GPR158: variants seen among roughly 807,000 people sequenced by gnomAD.
GPR158 encodes the protein G protein-coupled receptor 158.
Under a neutral mutation model 78.2 loss-of-function variants are expected in GPR158, and 30 were observed. That is an observed-to-expected ratio of 0.38 (90% confidence interval 0.29 to 0.52). The LOEUF is 0.52. Among genes scored for constraint, GPR158 ranks in the 20% least tolerant of loss-of-function variants. The pLI is 0.83. For synonymous variants in GPR158, 581 were observed against 591.1 expected, an observed-to-expected ratio of 0.98 and a Z score of 0.25; for missense variants, 1,463 against 1,523.5, an observed-to-expected ratio of 0.96 and a Z score of 0.66.
chr10:25,192,792 A>AT (rs1298691993), intron 1 of GPR158, among the ~76,000 whole-genome samples: 4 of 151,278 alleles, frequency 2.6e-5, no homozygotes, highest in African/African-American at 9.8e-5. Flanking sequence ...ATGATAAAAA[A>AT]AAATAAAAAT....
At chr10:25,372,602 G>A (rs182834640) in intron 2 of GPR158, among the ~76,000 whole-genome samples, 8,049 of 145,066 alleles carry the variant, frequency 0.055, 255 homozygotes, top group East Asian at 0.16. Flanking sequence ...GTAAACTATC[G>A]CAAGAACAAA....
intron 5 of GPR158, among the ~76,000 whole-genome samples, chr10:25,473,551 T>G (rs1173735391): frequency 1.3e-5 from 2 of 152,156 alleles, no homozygotes; most frequent in Admixed American, 6.6e-5. Context: ...TCCTTGTACC[T>G]CTGGTAGAAT....
At position 25,175,522 on chromosome 10, in the gene GPR158, C is replaced by T. The variant is rs1321118999; in HGVS notation, c.102C>T (p.Ser34=). ...GCGACCCCCAAGGACGGCCGGATTCCCCTCGAGAGAGGACCCCGAAGGGGA... is the reference window on the plus strand; with the variant it reads ...GCGACCCCCAAGGACGGCCGGATTCTCCTCGAGAGAGGACCCCGAAGGGGA... ...ASRDPQGRPD[S]PRERTPKGKP... Residue 34 remains serine (S), a synonymous_variant, in exon 1 of 11, where the codon TCC becomes TCT. Coordinates refer to ENST00000376351, the MANE Select transcript of GPR158 (RefSeq NM_020752.3). This position sits in a 1 kb window ranked among gnomAD's most constrained non-coding sequence, Gnocchi z 6.4. 1.2e-6 allele frequency: 2 copies of T among 1,612,380 alleles called. No individual in the cohort carries two copies. Among genetic ancestry groups the T allele is most frequent in the Non-Finnish European group, 1.7e-6 (2 of 1,179,912 alleles).
At position 25,598,742 on chromosome 10, in the gene GPR158, AC is replaced by A; in HGVS notation, c.3120del (p.Thr1041LeufsTer4). 6.2e-7 allele frequency: 1 copy of A among 1,613,902 alleles called. No individual in the cohort carries two copies. Among genetic ancestry groups the A allele is most frequent in the South Asian group, 1.1e-5 (1 of 91,050 alleles). ...VSIVASEMEK[N>X]PTFSLKEKSH... Reference sequence around the variant, plus strand: ...ATTGTGGCTTCTGAAATGGAGAAAAACCCCACTTTTTCCTTAAAGGAGAAAT... The same window carrying A: ...ATTGTGGCTTCTGAAATGGAGAAAAACCCACTTTTTCCTTAAAGGAGAAAT... On this transcript the variant is annotated frameshift_variant, in exon 11 of 11. Coordinates refer to ENST00000376351, the MANE Select transcript of GPR158 (RefSeq NM_020752.3). LOFTEE classifies it low-confidence loss of function (END_TRUNC).
intron 5 of GPR158, among the ~76,000 whole-genome samples, chr10:25,473,643 G>C (rs942440946): frequency 6.6e-6 from 1 of 152,098 alleles, no homozygotes; most frequent in Non-Finnish European, 1.5e-5. Context: ...CCTGTTATTA[G>C]TCTATTCTGG....
At chr10:25,224,269 T>C (rs1304230025) in intron 2 of GPR158, among the ~76,000 whole-genome samples, 6 of 151,952 alleles carry the variant, frequency 3.9e-5, no homozygotes, top group Non-Finnish European at 5.9e-5. Context: ...GTTTGAAGTG[T>C]AAAAAAACCA....
At chr10:25,348,954 C>G (rs1370071972) in intron 2 of GPR158, among the ~76,000 whole-genome samples, 1 of 152,004 alleles carries the variant, frequency 6.6e-6, no homozygotes, top group Non-Finnish European at 1.5e-5. Flanking sequence ...TATTATTTCA[C>G]CATTCATAAC....
At chr10:25,184,410 T>A (rs1287996549) in intron 1 of GPR158, among the ~76,000 whole-genome samples, 1 of 152,188 alleles carries the variant, frequency 6.6e-6, no homozygotes, top group Non-Finnish European at 1.5e-5. Context: ...CTTCCCAAAG[T>A]GCTGGGATTA....
At chr10:25,551,681 A>T (rs551537154) in intron 6 of GPR158, among the ~76,000 whole-genome samples, 2 of 152,264 alleles carry the variant, frequency 1.3e-5, no homozygotes, top group African/African-American at 2.4e-5. Context: ...CAACAAAATG[A>T]ACTACCTATC....
chr10:25,403,752 T>G (rs1834475317), intron 3 of GPR158, among the ~76,000 whole-genome samples: 1 of 152,064 alleles, frequency 6.6e-6, no homozygotes, highest in African/African-American at 2.4e-5. Flanking sequence ...AATACTACTT[T>G]AATTAAATTT....
chr10:25,473,446 G>C (rs900877615), intron 5 of GPR158, among the ~76,000 whole-genome samples: 2 of 152,110 alleles, frequency 1.3e-5, no homozygotes, highest in Non-Finnish European at 1.5e-5. Context: ...CCCAGCTTTG[G>C]TATCAGGATG....
At chr10:25,442,216 A>AT (rs900924606) in intron 4 of GPR158, among the ~76,000 whole-genome samples, 6 of 151,296 alleles carry the variant, frequency 4.0e-5, no homozygotes, top group East Asian at 1.9e-4. Context: ...AGGTTTTTTT[A>AT]TTTTTTTTCA....
chr10:25,456,017 G>A (rs1047473455), intron 4 of GPR158, among the ~76,000 whole-genome samples: 1 of 152,140 alleles, frequency 6.6e-6, no homozygotes, highest in Non-Finnish European at 1.5e-5. Flanking sequence ...TACCATTTTA[G>A]AGACTGAATT....
intron 2 of GPR158, among the ~76,000 whole-genome samples, chr10:25,230,102 A>G (rs1853428864): frequency 6.6e-6 from 1 of 152,234 alleles, no homozygotes; most frequent in African/African-American, 2.4e-5. Context: ...TAACAAATTC[A>G]TTCAAAGTTA....
At chr10:25,432,008 TAAA>T (rs1312851082) in intron 4 of GPR158, among the ~76,000 whole-genome samples, 1 of 74,204 alleles carries the variant, frequency 1.3e-5, no homozygotes, top group East Asian at 2.2e-4. Flanking sequence ...ATAATAATAA[TAAA>T]ATAAAAAAAA....
chr10:25,261,119 G>A (rs537279437), intron 2 of GPR158, among the ~76,000 whole-genome samples: 13 of 152,086 alleles, frequency 8.5e-5, no homozygotes, highest in East Asian at 3.9e-4. Context: ...CCTGATGCTC[G>A]GGCCACAGTC....
At chr10:25,297,386 A>T (rs539419948) in intron 2 of GPR158, among the ~76,000 whole-genome samples, 1 of 152,206 alleles carries the variant, frequency 6.6e-6, no homozygotes, top group Non-Finnish European at 1.5e-5. Flanking sequence ...GAATCAATAC[A>T]TAAGCAAATG....
intron 2 of GPR158, among the ~76,000 whole-genome samples, chr10:25,357,333 A>G (rs1026326025): frequency 3.7e-4 from 57 of 152,166 alleles, no homozygotes; most frequent in African/African-American, 1.3e-3. Context: ...AATTTGCATA[A>G]GTAATGAGGA....
intron 5 of GPR158, among the ~76,000 whole-genome samples, chr10:25,526,113 A>G (rs868061139): frequency 0.12 from 16,745 of 145,220 alleles, 702 homozygotes; most frequent in African/African-American, 0.14. Flanking sequence ...TAAAAAAAAA[A>G]AAAAAAAAAA....
Sources: gnomAD v4.1 joint callset for allele counts (sites outside exome capture counted in the v4.1 genomes callset) on GRCh38, gnomAD v4.1.1 for gene constraint, Gnocchi (gnomAD v3.1) non-coding constraint, MANE v1.5 for transcripts, NCBI Gene and HGNC (gene_info 2026-07-23, HGNC 2026-07-21) for gene names.